The following CNTN1 variants were observed in gnomAD, a reference collection of about 807,000 sequenced individuals.
CNTN1 encodes the protein contactin 1.
Under a neutral mutation model 126.4 loss-of-function variants are expected in CNTN1, and 38 were observed. That is an observed-to-expected ratio of 0.30 (90% CI 0.23 to 0.39). CNTN1 has a LOEUF of 0.39. Among genes scored for constraint, CNTN1 ranks in the 10% least tolerant of loss-of-function variants. CNTN1 has a pLI of 1.00. For missense variants in CNTN1, 1,009 were observed against 1,248.4 expected, an observed-to-expected ratio of 0.81 and a Z score of 2.89; for synonymous variants, 413 against 422.6, an observed-to-expected ratio of 0.98 and a Z score of 0.28.
At chr12:41,028,098 C>A in intron 22 of CNTN1, 129 bp downstream of exon 22, 2 of 679,764 alleles carry the variant, frequency 2.9e-6, no homozygotes, top group East Asian at 5.7e-5. Context: ...GTGGTACAAT[C>A]TTGGCTCATT....
At chr12:40,850,226 A>G (rs922853976) in intron 1 of CNTN1, among the ~76,000 whole-genome samples, 12 of 152,240 alleles carry the variant, frequency 7.9e-5, no homozygotes, top group African/African-American at 2.9e-4. Flanking sequence ...GCTCATTATG[A>G]AATTAACTTA....
chr12:40,846,733 C>A (rs1942518082), intron 1 of CNTN1, among the ~76,000 whole-genome samples: 1 of 152,080 alleles, frequency 6.6e-6, no homozygotes, highest in African/African-American at 2.4e-5. Flanking sequence ...TCTTTGTCAC[C>A]CAGGCTGGAG....
chr12:40,904,420 CTTTT>C (rs902908083), intron 1 of CNTN1, among the ~76,000 whole-genome samples: 234 of 140,580 alleles, frequency 1.7e-3, no homozygotes, highest in African/African-American at 4.1e-3. Context: ...TTCATTCTTT[CTTTT>C]TTTTTCTTTT....
intron 1 of CNTN1, among the ~76,000 whole-genome samples, chr12:40,732,406 A>G (rs1210564684): frequency 6.6e-6 from 1 of 152,088 alleles, no homozygotes; most frequent in Non-Finnish European, 1.5e-5. Context: ...TATCATAATG[A>G]TTTATGAAAT....
chr12:40,841,825 C>CA (rs2136584865), intron 1 of CNTN1, among the ~76,000 whole-genome samples: 1 of 152,000 alleles, frequency 6.6e-6, no homozygotes, highest in East Asian at 1.9e-4. Context: ...ACCTCATACT[C>CA]AAAGGGGAAA....
chr12:40,740,733 G>A (rs1443052128), intron 1 of CNTN1, among the ~76,000 whole-genome samples: 2 of 152,038 alleles, frequency 1.3e-5, no homozygotes, highest in Non-Finnish European at 2.9e-5. Context: ...CCAGTGGGAG[G>A]TAATTGAATT....
At chr12:40,961,401 G>C (rs1947102221) in intron 15 of CNTN1, among the ~76,000 whole-genome samples, 1 of 151,968 alleles carries the variant, frequency 6.6e-6, no homozygotes, top group South Asian at 2.1e-4. Flanking sequence ...ATTTAAACCA[G>C]AAGGTAGACA....
chr12:40,815,560 G>A (rs967407883), intron 1 of CNTN1, among the ~76,000 whole-genome samples: 3 of 152,092 alleles, frequency 2.0e-5, no homozygotes, highest in African/African-American at 7.2e-5. Flanking sequence ...CTGAGATGAT[G>A]GGGTTTTCAA....
chr12:40,754,236 T>C (rs1203041354), intron 1 of CNTN1, among the ~76,000 whole-genome samples: 1 of 152,116 alleles, frequency 6.6e-6, no homozygotes, highest in African/African-American at 2.4e-5. Context: ...GCTAAATACC[T>C]TTCATATACT....
chr12:40,976,680 T>G (rs1947684014), intron 15 of CNTN1, among the ~76,000 whole-genome samples: 1 of 152,180 alleles, frequency 6.6e-6, no homozygotes, highest in Non-Finnish European at 1.5e-5. Context: ...TTTGTCATTT[T>G]ATTTTCTACC....
chr12:40,854,415 A>G (rs1942825366), intron 1 of CNTN1, among the ~76,000 whole-genome samples: 1 of 152,114 alleles, frequency 6.6e-6, no homozygotes, highest in Non-Finnish European at 1.5e-5. Flanking sequence ...CCACATTCTC[A>G]TATTTAGTTT....
chr12:40,759,030 A>G (rs1455684361), intron 1 of CNTN1, among the ~76,000 whole-genome samples: 1 of 152,010 alleles, frequency 6.6e-6, no homozygotes, highest in Non-Finnish European at 1.5e-5. Flanking sequence ...CGGCCTCCCA[A>G]GTAGCTGGGA....
chr12:40,946,986 T>G (rs1946456110), intron 14 of CNTN1, among the ~76,000 whole-genome samples: 1 of 152,030 alleles, frequency 6.6e-6, no homozygotes, highest in South Asian at 2.1e-4. Flanking sequence ...TATGTAATTA[T>G]TAGGAAAAAT....
intron 23 of CNTN1, among the ~76,000 whole-genome samples, chr12:41,067,533 C>T (rs1002439466): frequency 4.0e-5 from 6 of 148,392 alleles, no homozygotes; most frequent in Non-Finnish European, 7.4e-5. Flanking sequence ...AACCAAACAC[C>T]GCATATTCTC....
intron 1 of CNTN1, among the ~76,000 whole-genome samples, chr12:40,692,865 T>A (rs1270774626): frequency 3.9e-5 from 6 of 152,048 alleles, no homozygotes; most frequent in Non-Finnish European, 7.4e-5. Context: ...CTGTGTCTCG[T>A]CAACTTTCCT....
intron 1 of CNTN1, among the ~76,000 whole-genome samples, chr12:40,896,846 T>C (rs1410271417): frequency 1.3e-5 from 2 of 152,028 alleles, no homozygotes; most frequent in African/African-American, 4.8e-5. Context: ...GAGGAGGAGG[T>C]TGTCTGAGGA....
chr12:40,922,335 C>G lies in CNTN1; in HGVS notation c.307C>G (p.Pro103Ala). The G allele has an allele frequency of 6.2e-7, 1 of 1,613,916 alleles. No individual in the cohort carries two copies. The highest frequency in any genetic ancestry group is 1.3e-5 in the African/African-American group (1 of 74,990). Residue 103 changes from proline (P) to alanine (A), a missense_variant, in exon 5 of 24, where the codon CCT becomes GCT. Coordinates refer to ENST00000551295, the MANE Select transcript of CNTN1 (RefSeq NM_001843.4). ...MVGGNLVINN[P>A]DKQKDAGIYY... ...AGGAGGAAACCTTGTTATCAACAAC[C>G]CTGACAAACAGAAAGATGCTGGAAT...
rs1314116566 is a variant in CNTN1, at chr12:41,070,838, T to C, written c.*803T>C. 6.6e-6 allele frequency: 1 copy of C among 152,084 alleles called. No homozygotes were observed. The highest frequency in any genetic ancestry group is 1.5e-5 in the Non-Finnish European group (1 of 68,010). 9.4% of individuals were successfully genotyped at this position (152,084 alleles called of 1,614,324 possible). A position where few individuals can be genotyped will look rare whatever the true frequency, so the allele number is the denominator to read the frequency against. On this transcript the variant is annotated 3_prime_UTR_variant, in exon 24 of 24. Transcript: ENST00000551295. ...ATCACAGCTCTTATCTAGAGTATCATAATATTGCTATATTTGTTCATATGT... is the reference window on the plus strand; with the variant it reads ...ATCACAGCTCTTATCTAGAGTATCACAATATTGCTATATTTGTTCATATGT...
At chr12:41,022,573 C>T (rs1181484875) in intron 20 of CNTN1, among the ~76,000 whole-genome samples, 1 of 152,084 alleles carries the variant, frequency 6.6e-6, no homozygotes, top group African/African-American at 2.4e-5. Context: ...TGTCATTGGG[C>T]ATTCCAAGAT....
Sources: allele counts gnomAD v4.1 joint callset (sites outside exome capture counted in the v4.1 genomes callset), GRCh38; gene constraint gnomAD v4.1.1; transcripts MANE v1.5; gene names NCBI Gene and HGNC (gene_info 2026-07-23, HGNC 2026-07-21).